OR2Z1: variants seen among roughly 807,000 people sequenced by gnomAD.
The protein encoded by OR2Z1 is olfactory receptor 2Z1.
For synonymous variants in OR2Z1, 188 were observed against 160.6 expected, an observed-to-expected ratio of 1.17 and a Z score of -1.29; for missense variants, 449 against 401.8, an observed-to-expected ratio of 1.12 and a Z score of -1.00.
At position 8,730,736 on chromosome 19, in the gene OR2Z1, T is replaced by C. The variant is rs1226537823; in HGVS notation, c.-169-124T>C. On this transcript the variant is annotated intron_variant, in intron 2 of 2. Coordinates refer to ENST00000641125, the MANE Select transcript of OR2Z1 (RefSeq NM_001004699.3). Reference sequence around the variant, plus strand: ...TCCAGCCGAACCTCAAATTTTTCACTATAGGGAGCAGTGGGTAGCTCTTCA... The same window carrying C: ...TCCAGCCGAACCTCAAATTTTTCACCATAGGGAGCAGTGGGTAGCTCTTCA... The C allele has an allele frequency of 8.4e-5, 36 of 429,864 alleles. No homozygotes were observed. The South Asian group carries it at 9.1e-4, about 11-fold the overall frequency. The allele number at this position is 429,864 out of a possible 1,614,324, so 26.6% of individuals were successfully genotyped here.
In OR2Z1 at chr19:8,731,037, T is replaced by A. The variant is rs782250360; in HGVS notation, c.9T>A (p.Asp3Glu). MGDVNQSVASDFI... is the reference protein window; with the variant it reads MGEVNQSVASDFI... ...AGTGCATTGTGTAAAACATGGGGGA[T>A]GTGAATCAGTCGGTGGCCTCAGACT... is the stretch of plus-strand genomic sequence containing the variant. The change falls in exon 3 of 3, where the codon GAT becomes GAA. Residue 3 changes from aspartate to glutamate, a missense_variant. Coordinates refer to ENST00000641125, the MANE Select transcript of OR2Z1 (RefSeq NM_001004699.3). The A allele has an allele frequency of 6.2e-7, 1 of 1,613,934 alleles. No homozygotes were observed. The highest frequency in any genetic ancestry group is 8.5e-7 in the Non-Finnish European group (1 of 1,179,834).
rs2043313785 is a variant in OR2Z1, at chr19:8,723,130, C to T, written c.-190C>T. 1 of 152,170 alleles carries T rather than the reference C, an allele frequency of 6.6e-6. No individual in the cohort carries two copies. 9.4% of individuals were successfully genotyped at this position (152,170 alleles called of 1,614,324 possible). A position where few individuals can be genotyped will look rare whatever the true frequency, so the allele number is the denominator to read the frequency against. ...GATGCATCAAAGACAGTGGGACCAC[C>T]TGGGCACCCTGAAAGGAAAGGTGAG... On this transcript the variant is annotated 5_prime_UTR_variant, in exon 2 of 3. Transcript: ENST00000641125.
intron 2 of OR2Z1, among the ~76,000 whole-genome samples, chr19:8,725,697 G>A (rs1472488629): frequency 1.3e-5 from 2 of 152,176 alleles, no homozygotes; most frequent in Non-Finnish European, 2.9e-5. Context: ...TATAAAGCAG[G>A]CAATTCTACT....
intron 2 of OR2Z1, chr19:8,728,659 A>G: frequency 2.1e-6 from 1 of 478,920 alleles, no homozygotes; most frequent in South Asian, 1.7e-5. Context: ...AATTGCGAAC[A>G]TAGTACCCAA....
Position 8,731,613 on chromosome 19 carries a change from C to G in OR2Z1, c.585C>G (p.Tyr195Ter), listed in dbSNP as rs375318094. Residue 195 changes from tyrosine (Y) to a stop codon, truncating the protein, a stop_gained, in exon 3 of 3, where the codon TAC (tyrosine) becomes TAG (stop). Coordinates refer to ENST00000641125, the MANE Select transcript of OR2Z1 (RefSeq NM_001004699.3). LOFTEE classifies it low-confidence loss of function (END_TRUNC). The part of the protein sequence containing the change: ...LKLSCADTCA[Y>*]EMALSTSGVL... ...TCTCCTGTGCAGATACCTGTGCCTACGAGATGGCGCTGTCCACCTCAGGGG... is the reference window on the plus strand; with the variant it reads ...TCTCCTGTGCAGATACCTGTGCCTAGGAGATGGCGCTGTCCACCTCAGGGG... 3 of 1,614,056 alleles carry G rather than the reference C, an allele frequency of 1.9e-6. No individual in the cohort carries two copies. The highest frequency in any genetic ancestry group is 1.7e-6 in the Non-Finnish European group (2 of 1,179,988).
intron 2 of OR2Z1, among the ~76,000 whole-genome samples, chr19:8,724,216 T>C (rs1054226409): frequency 7.3e-6 from 1 of 137,104 alleles, no homozygotes; most frequent in African/African-American, 2.6e-5. Flanking sequence ...TTCATAGAGG[T>C]ATTAATACCT....
Sources: allele counts gnomAD v4.1 joint callset (sites outside exome capture counted in the v4.1 genomes callset), GRCh38; gene constraint gnomAD v4.1.1; transcripts MANE v1.5; gene names NCBI Gene and HGNC (gene_info 2026-07-23, HGNC 2026-07-21).